IRGQ: variants seen among roughly 807,000 people sequenced by gnomAD.
IRGQ encodes the protein immunity related GTPase Q, also known as immunity-related GTPase family Q protein.
IRGQ carries 5 observed loss-of-function variants against 10.5 expected under a neutral mutation model. The observed-to-expected ratio is 0.48, with a 90% confidence interval of 0.25 to 1.00. IRGQ has a LOEUF of 1.00. Among genes scored for constraint, IRGQ ranks in the 50% least tolerant of loss-of-function variants. The pLI, the probability that IRGQ is intolerant of heterozygous loss-of-function variation, is 0.16. For synonymous variants in IRGQ, 418 were observed against 426.0 expected, an observed-to-expected ratio of 0.98 and a Z score of 0.23; for missense variants, 792 against 877.7, an observed-to-expected ratio of 0.90 and a Z score of 1.23.
In IRGQ at chr19:43,593,870, C is replaced by G; in HGVS notation, c.531-503G>C. On this transcript the variant is annotated intron_variant, in intron 2 of 2. Coordinates refer to ENST00000422989, the MANE Select transcript of IRGQ (RefSeq NM_001007561.3). The surrounding 1 kb of genome is among the most constrained non-coding windows in gnomAD (Gnocchi z 6.4). ...GAGAAATCTCATCTACCAGTTCTTA[C>G]CAAGGGGGAGTGGCTAAGGTGACTC... Among the ~76,000 whole-genome samples, 1 of 152,064 alleles carries G rather than the reference C, an allele frequency of 6.6e-6. No individual in the cohort carries two copies. The highest frequency in any genetic ancestry group is 1.9e-4 in the East Asian group (1 of 5,178).
rs149099445 is a variant in IRGQ at position 43,593,535 on chromosome 19, G to A, written c.531-168C>T. On this transcript the variant is annotated intron_variant, in intron 2 of 2. Coordinates refer to ENST00000422989, the MANE Select transcript of IRGQ (RefSeq NM_001007561.3). The surrounding 1 kb of genome is among the most constrained non-coding windows in gnomAD (Gnocchi z 6.4). Reference sequence around the variant, plus strand: ...AGCAAATAGAAACCAGATAGGGAGAGGCAGTGATGATATGGGTGGGGCTTC... The same window carrying A: ...AGCAAATAGAAACCAGATAGGGAGAAGCAGTGATGATATGGGTGGGGCTTC... Among the ~76,000 whole-genome samples, 28 of 152,376 alleles carry A rather than the reference G, an allele frequency of 1.8e-4. No individual in the cohort carries two copies. The highest frequency in any genetic ancestry group is 6.5e-4 in the African/African-American group (27 of 41,584).
rs1973002481 is a variant in IRGQ at position 43,587,084 on chromosome 19, C to T, written c.*4942G>A. On this transcript the variant is annotated 3_prime_UTR_variant, in exon 3 of 3. Coordinates refer to ENST00000422989, the MANE Select transcript of IRGQ (RefSeq NM_001007561.3). Reference sequence around the variant, plus strand: ...GTGGCCCATGCCTGTAATACCAGCACTTTGGGAGGCCGAGGTGGGCGGATC... The same window carrying T: ...GTGGCCCATGCCTGTAATACCAGCATTTTGGGAGGCCGAGGTGGGCGGATC... The T allele has an allele frequency of 6.6e-6, 1 of 152,246 alleles. No individual in the cohort carries two copies. The highest frequency in any genetic ancestry group is 1.5e-5 in the Non-Finnish European group (1 of 68,044). The allele number at this position is 152,246 out of a possible 1,614,324, so 9.4% of individuals were successfully genotyped here. A position where few individuals can be genotyped will look rare whatever the true frequency, so the allele number is the denominator to read the frequency against.
rs749431756 is a variant in IRGQ at position 43,592,797 on chromosome 19, AC to A, written c.1100del (p.Ser367IlefsTer34). 28 of 1,613,574 alleles carry A rather than the reference AC, an allele frequency of 1.7e-5. No individual in the cohort carries two copies. Among genetic ancestry groups the A allele is most frequent in the Non-Finnish European group, 1.9e-5 (23 of 1,179,966 alleles). On this transcript the variant is annotated frameshift_variant, in exon 3 of 3. Coordinates refer to ENST00000422989, the MANE Select transcript of IRGQ (RefSeq NM_001007561.3). LOFTEE classifies it low-confidence loss of function (END_TRUNC). ...AGGGGLENAL[S>X]KGREKCSAGS... is the part of the protein sequence containing the mutation. ...CAGCGCTACATTTCTCCCTTCCCTTACTGAGTGCATTCTCCAATCCCCCTCC... is the reference window on the plus strand; with the variant it reads ...CAGCGCTACATTTCTCCCTTCCCTTATGAGTGCATTCTCCAATCCCCCTCC...
rs1329327460 is a variant in IRGQ at position 43,592,594 on chromosome 19, C to T, written c.1304G>A (p.Arg435Gln). ...GCATAGCCCTGGGAGTCCGCCAGGC[C>T]GTAGGGGGAACACTGGCGGCGGCGC... is the stretch of plus-strand genomic sequence containing the variant. The part of the protein sequence containing the change: ...EEAPPPVFPL[R>Q]PGGLPGLCEW... The change falls in exon 3 of 3, where the codon CGG becomes CAG. Residue 435 changes from arginine (R) to glutamine (Q), a missense_variant. Arg to Gln is a conservative substitution (Grantham distance 43). Transcript: ENST00000422989. The T allele has an allele frequency of 6.2e-7, 1 of 1,600,562 alleles. No homozygotes were observed. The highest frequency in any genetic ancestry group is 8.5e-7 in the Non-Finnish European group (1 of 1,179,832).
At chr19:43,595,500 AT>A (rs1340093825) in intron 1 of IRGQ, 160 bp from the exon 2 acceptor site, 4 of 497,938 alleles carry the variant, frequency 8.0e-6, no homozygotes, top group Admixed American at 4.0e-5. Flanking sequence ...CCCAGACCCT[AT>A]TCCCCCAGAA....
In IRGQ at chr19:43,589,308, A is replaced by G. The variant is rs770820123; in HGVS notation, c.*2718T>C. On this transcript the variant is annotated 3_prime_UTR_variant, in exon 3 of 3. Coordinates refer to ENST00000422989, the MANE Select transcript of IRGQ (RefSeq NM_001007561.3). ...CCAATCCTAGTTCTGACACTGACCA[A>G]TGAAATAAACATTTAGGCTGGGTGT... The G allele has an allele frequency of 1.3e-5, 2 of 152,212 alleles. No homozygotes were observed. Among genetic ancestry groups the G allele is most frequent in the East Asian group, 1.9e-4 (1 of 5,198 alleles). 9.4% of individuals were successfully genotyped at this position (152,212 alleles called of 1,614,324 possible). A position where few individuals can be genotyped will look rare whatever the true frequency, so the allele number is the denominator to read the frequency against.
chr19:43,594,524 CAG>C (rs1973102981), intron 2 of IRGQ, among the ~76,000 whole-genome samples: 1 of 151,860 alleles, frequency 6.6e-6, no homozygotes, highest in Non-Finnish European at 1.5e-5. Flanking sequence ...GCCTGGGCGA[CAG>C]AGTGAGAACC....
At position 43,594,790 on chromosome 19, in the gene IRGQ, C is replaced by G; in HGVS notation, c.530+19G>C. On this transcript the variant is annotated intron_variant, in intron 2 of 2. Transcript: ENST00000422989. Reference sequence around the variant, plus strand: ...CTAGGGTCTCGACTAACGGACCCAGCCAGAAAGCCGGCACTCACCTCCGCA... The same window carrying G: ...CTAGGGTCTCGACTAACGGACCCAGGCAGAAAGCCGGCACTCACCTCCGCA... The G allele has an allele frequency of 6.3e-7, 1 of 1,579,736 alleles. No homozygotes were observed. The highest frequency in any genetic ancestry group is 8.6e-7 in the Non-Finnish European group (1 of 1,162,522).
chr19:43,589,048 G>A lies in IRGQ; in HGVS notation c.*2978C>T, dbSNP rs1973026470. ...GTCTGCCCTTGGATCAGTTACCTTTGTCTTCAGCTTTTAAGGGAGACAGGA... is the reference window on the plus strand; with the variant it reads ...GTCTGCCCTTGGATCAGTTACCTTTATCTTCAGCTTTTAAGGGAGACAGGA... On this transcript the variant is annotated 3_prime_UTR_variant, in exon 3 of 3. Transcript: ENST00000422989. 1 of 152,156 alleles carries A rather than the reference G, an allele frequency of 6.6e-6. No homozygotes were observed. Among genetic ancestry groups the A allele is most frequent in the Non-Finnish European group, 1.5e-5 (1 of 68,044 alleles). 9.4% of individuals were successfully genotyped at this position (152,156 alleles called of 1,614,324 possible). A position where few individuals can be genotyped will look rare whatever the true frequency, so the allele number is the denominator to read the frequency against.
chr19:43,591,395 G>C lies in IRGQ; in HGVS notation c.*631C>G, dbSNP rs1973052356. 6.6e-6 allele frequency: 1 copy of C among 152,254 alleles called. No individual in the cohort carries two copies. The highest frequency in any genetic ancestry group is 1.5e-5 in the Non-Finnish European group (1 of 68,110). The allele number at this position is 152,254 out of a possible 1,614,324, so 9.4% of individuals were successfully genotyped here. On this transcript the variant is annotated 3_prime_UTR_variant, in exon 3 of 3. Coordinates refer to ENST00000422989, the MANE Select transcript of IRGQ (RefSeq NM_001007561.3). ...TCATGGACACCTCCCCACCAATTAG[G>C]AAACAGGACTTCTACCAGCCTCCCT...
chr19:43,593,192 C>T lies in IRGQ; in HGVS notation c.706G>A (p.Gly236Ser). Reference sequence around the variant, plus strand: ...CCAAGCAGCATGTCCACCACAAGGCCCACGTCAGCCTTGCCAGCCACGGCC... The same window carrying T: ...CCAAGCAGCATGTCCACCACAAGGCTCACGTCAGCCTTGCCAGCCACGGCC... Reference protein sequence around the residue: ...DLAVAGKADVGLVVDMLLGLD... With the variant: ...DLAVAGKADVSLVVDMLLGLD... Residue 236 changes from glycine (G) to serine (S), a missense_variant, in exon 3 of 3, where the codon GGC becomes AGC. By Grantham distance (56) the Gly-to-Ser change is moderately conservative (BLOSUM62 0). Coordinates refer to ENST00000422989, the MANE Select transcript of IRGQ (RefSeq NM_001007561.3). The surrounding 1 kb of genome is among the most constrained non-coding windows in gnomAD (Gnocchi z 6.4). 6.4e-7 allele frequency: 1 copy of T among 1,567,614 alleles called. No homozygotes were observed. The highest frequency in any genetic ancestry group is 1.1e-5 in the South Asian group (1 of 87,134).
rs1427234274 is a variant in IRGQ, at chr19:43,587,323, C to CT, written c.*4702dup. ...CCAGCCTGGGTGACAAAGTGAGACT[C>CT]TGTCTCAAAACAAAACAAAACAACC... On this transcript the variant is annotated 3_prime_UTR_variant, in exon 3 of 3. Coordinates refer to ENST00000422989, the MANE Select transcript of IRGQ (RefSeq NM_001007561.3). 1 of 152,056 alleles carries CT rather than the reference C, an allele frequency of 6.6e-6. No individual in the cohort carries two copies. The highest frequency in any genetic ancestry group is 1.9e-4 in the East Asian group (1 of 5,176). 9.4% of individuals were successfully genotyped at this position (152,056 alleles called of 1,614,324 possible). A position where few individuals can be genotyped will look rare whatever the true frequency, so the allele number is the denominator to read the frequency against.
Position 43,593,337 on chromosome 19 carries a change from C to A in IRGQ, c.561G>T (p.Glu187Asp). ...RLLPPAQDGF[E>D]VLGAAELEAV... ...CCTCTAGCTCTGCTGCACCCAACAC[C>A]TCGAAGCCATCCTGCGCCGGTGGCA... is the stretch of plus-strand genomic sequence containing the variant. The change falls in exon 3 of 3, where the codon GAG becomes GAT. Residue 187 changes from glutamate to aspartate, a missense_variant. Coordinates refer to ENST00000422989, the MANE Select transcript of IRGQ (RefSeq NM_001007561.3). The surrounding 1 kb of genome is among the most constrained non-coding windows in gnomAD (Gnocchi z 6.4). 1 of 1,528,848 alleles carries A rather than the reference C, an allele frequency of 6.5e-7. No homozygotes were observed. Among genetic ancestry groups the A allele is most frequent in the South Asian group, 1.3e-5 (1 of 79,134 alleles). 94.7% of individuals were successfully genotyped at this position (1,528,848 alleles called of 1,614,324 possible).
In IRGQ at chr19:43,586,477, A is replaced by G. The variant is rs1696869839; in HGVS notation, c.*5549T>C. 6.6e-6 allele frequency: 1 copy of G among 152,236 alleles called. No individual in the cohort carries two copies. Among genetic ancestry groups the G allele is most frequent in the African/African-American group, 2.4e-5 (1 of 41,464 alleles). 9.4% of individuals were successfully genotyped at this position (152,236 alleles called of 1,614,324 possible). ...CTCCTCTATGGGCACAGACACACAC[A>G]CAAAATTGTCTTGCTTTCTCAGATA... On this transcript the variant is annotated 3_prime_UTR_variant, in exon 3 of 3. Coordinates refer to ENST00000422989, the MANE Select transcript of IRGQ (RefSeq NM_001007561.3).
At position 43,592,581 on chromosome 19, in the gene IRGQ, G is replaced by T. The variant is rs1973073754; in HGVS notation, c.1317C>A (p.Leu439=). ...GCCGCAGCCATTCGCATAGCCCTGG[G>T]AGTCCGCCAGGCCGTAGGGGGAACA... ...PPVFPLRPGG[L]PGLCEWLRRA... The change falls in exon 3 of 3, where the codon CTC becomes CTA. Residue 439 remains leucine, a synonymous_variant. Transcript: ENST00000422989. 1 of 1,599,730 alleles carries T rather than the reference G, an allele frequency of 6.3e-7. No individual in the cohort carries two copies. Among genetic ancestry groups the T allele is most frequent in the African/African-American group, 1.3e-5 (1 of 74,916 alleles).
rs369394427 is a variant in IRGQ at position 43,592,702 on chromosome 19, C to A, written c.1196G>T (p.Gly399Val). The A allele has an allele frequency of 3.1e-6, 5 of 1,609,150 alleles. No homozygotes were observed. The highest frequency in any genetic ancestry group is 4.2e-6 in the Non-Finnish European group (5 of 1,179,994). ...AGSEGLQQVV[G>V]MKKSGGGDSE... ...GTCGCCACCACCTGATTTCTTCATG[C>A]CGACAACCTGCTGCAAACCCTCGCT... The change falls in exon 3 of 3, where the codon GGC (glycine) becomes GTC (valine). Residue 399 changes from glycine to valine, a missense_variant. Physicochemically the swap from Gly to Val is moderately radical, Grantham distance 109. Coordinates refer to ENST00000422989, the MANE Select transcript of IRGQ (RefSeq NM_001007561.3).
In IRGQ at chr19:43,591,301, G is replaced by A. The variant is rs1324773749; in HGVS notation, c.*725C>T. 2.0e-5 allele frequency: 3 copies of A among 152,224 alleles called. No individual in the cohort carries two copies. Among genetic ancestry groups the A allele is most frequent in the Non-Finnish European group, 4.4e-5 (3 of 68,068 alleles). The allele number at this position is 152,224 out of a possible 1,614,324, so 9.4% of individuals were successfully genotyped here. On this transcript the variant is annotated 3_prime_UTR_variant, in exon 3 of 3. Coordinates refer to ENST00000422989, the MANE Select transcript of IRGQ (RefSeq NM_001007561.3). ...AGACCCTGTTTCCCTCTGAGGCTCT[G>A]AAGCCCAAGAGTTCCAGCTCCCTGG...
Position 43,589,959 on chromosome 19 carries a change from T to G in IRGQ, c.*2067A>C, listed in dbSNP as rs925710733. On this transcript the variant is annotated 3_prime_UTR_variant, in exon 3 of 3. Coordinates refer to ENST00000422989, the MANE Select transcript of IRGQ (RefSeq NM_001007561.3). Reference sequence around the variant, plus strand: ...CCCAGGCAGGACTCAAGGTAGCCACTCAGGCATCAGAAAGAGTCAGGCGGC... The same window carrying G: ...CCCAGGCAGGACTCAAGGTAGCCACGCAGGCATCAGAAAGAGTCAGGCGGC... 6.6e-6 allele frequency: 1 copy of G among 152,194 alleles called. No homozygotes were observed. Among genetic ancestry groups the G allele is most frequent in the African/African-American group, 2.4e-5 (1 of 41,400 alleles). 9.4% of individuals were successfully genotyped at this position (152,194 alleles called of 1,614,324 possible).
In IRGQ at chr19:43,592,515, C is replaced by G. The variant is rs745423880; in HGVS notation, c.1383G>C (p.Ala461=). The G allele has an allele frequency of 6.3e-7, 1 of 1,595,726 alleles. No homozygotes were observed. The highest frequency in any genetic ancestry group is 8.5e-7 in the Non-Finnish European group (1 of 1,178,448). The change falls in exon 3 of 3, where the codon GCG becomes GCC. Residue 461 remains alanine, a synonymous_variant. Transcript: ENST00000422989. ...PPAQAGALLL[A]LPPASPSAAR... ...CAGCGCTGGGAGATGCTGGTGGCAA[C>G]GCCAGCAGCAGTGCCCCTGCCTGGG...
Sources: allele counts gnomAD v4.1 joint callset (sites outside exome capture counted in the v4.1 genomes callset), GRCh38; gene constraint gnomAD v4.1.1; non-coding constraint Gnocchi (gnomAD v3.1); transcripts MANE v1.5; gene names NCBI Gene and HGNC (gene_info 2026-07-23, HGNC 2026-07-21).